The following TXNDC9 variants were observed in gnomAD, a reference collection of about 807,000 sequenced individuals.
TXNDC9 encodes the protein thioredoxin domain-containing protein 9.
TXNDC9 carries 7 observed loss-of-function variants against 23.0 expected under a neutral mutation model. The observed-to-expected ratio is 0.30, with a 90% CI of 0.17 to 0.57. TXNDC9 has a LOEUF of 0.57. TXNDC9 is among the 20% of genes least tolerant of loss of function. The pLI, the probability that TXNDC9 is intolerant of heterozygous loss-of-function variation, is 0.90. For synonymous variants in TXNDC9, 72 were observed against 90.6 expected (o/e 0.79, Z 1.17); for missense variants, 198 against 252.6 (o/e 0.78, Z 1.47).
At chr2:99,327,771 T>G (rs541303451) in intron 2 of TXNDC9, 118 bp from the exon 3 acceptor site, 48 of 571,584 alleles carry the variant, frequency 8.4e-5, no homozygotes, top group Admixed American at 2.4e-4. Flanking sequence ...AAAAAAAAAG[T>G]TTTTTTTTTG....
At chr2:99,321,105 A>G (rs894011561) in intron 4 of TXNDC9, 7 of 151,924 alleles carry the variant, frequency 4.6e-5, no homozygotes, top group Admixed American at 4.6e-4. Context: ...ATAAATATTA[A>G]TATTTTATGT....
chr2:99,324,046 A>C (rs373801766), intron 3 of TXNDC9, among the ~76,000 whole-genome samples: 31 of 152,218 alleles, frequency 2.0e-4, no homozygotes, highest in African/African-American at 7.2e-4. Context: ...GGGTTTCACC[A>C]TGTTGACTAG....
intron 2 of TXNDC9, among the ~76,000 whole-genome samples, chr2:99,330,289 T>G (rs1176980867): frequency 2.0e-4 from 1 of 5,016 alleles, no homozygotes; most frequent in Non-Finnish European, 4.3e-4. Context: ...GACTCTTATC[T>G]CAAAAAAAAA....
chr2:99,306,660 G>A, the TXNDC9 span: 44 of 381,068 alleles, frequency 1.2e-4, no homozygotes, highest in African/African-American at 8.4e-4. Context: ...TAGGTCCTGG[G>A]TGTCTGTAAA....
the TXNDC9 span, among the ~76,000 whole-genome samples, chr2:99,309,848 G>A: frequency 3.3e-5 from 5 of 152,092 alleles, no homozygotes; most frequent in East Asian, 7.8e-4. Context: ...ACCACGCCCA[G>A]CTAATTTTTG....
the TXNDC9 span, among the ~76,000 whole-genome samples, chr2:99,311,479 T>G: frequency 6.6e-6 from 1 of 151,746 alleles, no homozygotes; most frequent in Non-Finnish European, 1.5e-5. Context: ...GTAGAGATGG[T>G]GGGGGAGGGG....
chr2:99,326,875 CAATACTAGAGGGAAAT>C (rs2094213711), intron 3 of TXNDC9, among the ~76,000 whole-genome samples: 1 of 152,094 alleles, frequency 6.6e-6, no homozygotes, highest in Admixed American at 6.5e-5. Flanking sequence ...GGCTACATCA[CAATACTAGAGGGAAAT>C]AATTACTGTC....
chr2:99,315,301 G>A (rs1033832088), downstream of TXNDC9, among the ~76,000 whole-genome samples: 5 of 151,912 alleles, frequency 3.3e-5, no homozygotes, highest in Non-Finnish European at 7.4e-5. Flanking sequence ...TCCTGACCTC[G>A]TGATCTGCCC....
At chr2:99,312,450 T>C in the TXNDC9 span, among the ~76,000 whole-genome samples, 1 of 143,932 alleles carries the variant, frequency 6.9e-6, no homozygotes, top group Admixed American at 7.2e-5. Context: ...TGAGCCAAAA[T>C]CGCACCACTG....
chr2:99,329,662 T>C (rs909427625), intron 2 of TXNDC9, among the ~76,000 whole-genome samples: 1 of 152,228 alleles, frequency 6.6e-6, no homozygotes, highest in African/African-American at 2.4e-5. Context: ...ACCAATGATA[T>C]GTGCCCTTAA....
At chr2:99,325,202 T>C (rs1173487603) in intron 3 of TXNDC9, among the ~76,000 whole-genome samples, 3 of 152,262 alleles carry the variant, frequency 2.0e-5, no homozygotes, top group African/African-American at 7.2e-5. Context: ...CCTGATGTGA[T>C]TATTAAACAC....
Position 99,336,292 on chromosome 2 carries a change from G to T in TXNDC9, c.-86C>A, listed in dbSNP as rs1004375597. The stretch of plus-strand genomic sequence containing the variant: ...AAAGAGCAGCAGTTTCAAAAGACAC[G>T]TCCACTCCGGCTTTTGCCTTGCAGT... On this transcript the variant is annotated 5_prime_UTR_variant, in exon 1 of 5. Transcript: ENST00000264255. The T allele has an allele frequency of 8.1e-6, 8 of 985,360 alleles. No individual in the cohort carries two copies. Among genetic ancestry groups the T allele is most frequent in the African/African-American group, 5.2e-5 (3 of 57,222 alleles). 61.0% of individuals were successfully genotyped at this position (985,360 alleles called of 1,614,324 possible).
intron 2 of TXNDC9, 87 bp from the exon 3 acceptor site, chr2:99,327,740 A>T: frequency 2.7e-5 from 19 of 698,732 alleles, no homozygotes; most frequent in South Asian, 7.4e-5. Flanking sequence ...TCACCATCGT[A>T]TTTTGTAATG....
intron 3 of TXNDC9, among the ~76,000 whole-genome samples, chr2:99,323,039 G>C (rs2105320754): frequency 6.6e-6 from 1 of 152,100 alleles, no homozygotes; most frequent in Non-Finnish European, 1.5e-5. Context: ...AGGATTACAA[G>C]CGTGAGCCAC....
chr2:99,312,115 C>CT, the TXNDC9 span, among the ~76,000 whole-genome samples: 1 of 152,098 alleles, frequency 6.6e-6, no homozygotes, highest in East Asian at 1.9e-4. Flanking sequence ...AGGGAAGCCC[C>CT]TAAAGGGGCC....
At chr2:99,336,089 C>G (rs771711852) in intron 1 of TXNDC9, 150 bp downstream of exon 1, 4 of 672,722 alleles carry the variant, frequency 5.9e-6, no homozygotes, top group South Asian at 1.3e-4. Context: ...AACTTCGACG[C>G]CTCCTGGTGC....
intron 2 of TXNDC9, 74 bp downstream of exon 2, chr2:99,332,948 T>C (rs764192290): frequency 9.2e-6 from 11 of 1,195,788 alleles, no homozygotes; most frequent in African/African-American, 1.5e-5. Context: ...ATGTAACTAC[T>C]ACAGCACATG....
chr2:99,327,461 G>T, intron 3 of TXNDC9, 74 bp downstream of exon 3: 1 of 1,030,934 alleles, frequency 9.7e-7, no homozygotes, highest in Non-Finnish European at 1.5e-6. Context: ...CATTTCTCTA[G>T]TAAGCCAGTA....
In TXNDC9 at chr2:99,322,028, G is replaced by A. The variant is rs761714942; in HGVS notation, c.490C>T (p.Leu164=). 6.2e-7 allele frequency: 1 copy of A among 1,614,060 alleles called. No homozygotes were observed. Residue 164 remains leucine, a synonymous_variant, in exon 4 of 5, where the codon CTA becomes TTA. Transcript: ENST00000264255. ...GTGGTGAAGTCATCTGTATTTCCTAGGTCAGTAAACCCAACAACATAATCT... is the reference window on the plus strand; with the variant it reads ...GTGGTGAAGTCATCTGTATTTCCTAAGTCAGTAAACCCAACAACATAATCT... The part of the protein sequence containing the change: ...TQDYVVGFTD[L]GNTDDFTTET...
Sources: allele counts gnomAD v4.1 joint callset (sites outside exome capture counted in the v4.1 genomes callset), GRCh38; gene constraint gnomAD v4.1.1; transcripts MANE v1.5; gene names NCBI Gene and HGNC (gene_info 2026-07-23, HGNC 2026-07-21).